CXADR: variants seen among roughly 807,000 people sequenced by gnomAD.
CXADR encodes CXADR cell adhesion molecule, also known as coxsackievirus and adenovirus receptor.
CXADR carries 20 observed loss-of-function variants against 40.3 expected under a neutral mutation model. The ratio of observed to expected loss-of-function variants is 0.50; its 90% CI spans 0.35 to 0.72. CXADR has a LOEUF of 0.72. Among genes scored for constraint, CXADR ranks in the 30% least tolerant of loss-of-function variants. The probability of loss-of-function intolerance (pLI) is 0.01; values close to 1 mark genes in which losing one functional copy is unlikely to be tolerated. For synonymous variants in CXADR, 150 were observed against 161.3 expected, an observed-to-expected ratio of 0.93 and a Z score of 0.53; for missense variants, 332 against 449.1, an observed-to-expected ratio of 0.74 and a Z score of 2.36.
intron 6 of CXADR, 83 bp from the exon 7 acceptor site, chr21:17,565,345 C>G (rs1030245611): frequency 1.4e-6 from 2 of 1,447,644 alleles, no homozygotes; most frequent in Non-Finnish European, 1.9e-6. Flanking sequence ...AATACAGGCT[C>G]TTATCCATGA....
intron 1 of CXADR, among the ~76,000 whole-genome samples, chr21:17,534,060 C>CTA (rs201049313): frequency 0.32 from 13,939 of 43,452 alleles, 3,176 homozygotes; most frequent in Non-Finnish European, 0.36. Context: ...ATATATATAG[C>CTA]TATATATATA....
intron 4 of CXADR, among the ~76,000 whole-genome samples, chr21:17,559,693 C>CT (rs2061087574): frequency 8.8e-6 from 1 of 113,334 alleles, no homozygotes; most frequent in Non-Finnish European, 1.7e-5. Context: ...TTTTTTTTTC[C>CT]GAGACAAGGG....
chr21:17,527,082 A>G (rs1168462548), intron 1 of CXADR: 1 of 152,234 alleles, frequency 6.6e-6, no homozygotes, highest in Admixed American at 6.5e-5. Flanking sequence ...GGATCTATGT[A>G]GTAGAGAATA....
chr21:17,615,293 A>C, the CXADR span, among the ~76,000 whole-genome samples: 7 of 152,064 alleles, frequency 4.6e-5, no homozygotes, highest in Non-Finnish European at 2.9e-5. Flanking sequence ...CTACCTCCAA[A>C]CTGTGAGAAA....
rs796961102 is a variant in CXADR, at chr21:17,575,657, A to AT, written c.1017+10055dup. On this transcript the variant is annotated intron_variant, in intron 7 of 7. Coordinates refer to the CXADR transcript ENST00000400169. ...AGGTGTCCACTACCAAGCCCAGCTA[A>AT]TTTTTTTTTATATTTTTAGTAGAGA... Among the ~76,000 whole-genome samples the AT allele has an allele frequency of 1.3e-4, 19 of 150,360 alleles. No individual in the cohort carries two copies. The East Asian group carries it at 1.4e-3, about 11-fold the overall frequency.
rs940801869 is a variant in CXADR, at chr21:17,519,027, C to G, written c.43+5855C>G. 7.4e-6 allele frequency: 11 copies of G among 1,479,720 alleles called. No individual in the cohort carries two copies. In the Admixed American group the frequency reaches 1.4e-4, roughly 18 times the overall value. 91.7% of individuals were successfully genotyped at this position (1,479,720 alleles called of 1,614,324 possible). Reference sequence around the variant, plus strand: ...TAAATCTGAAGCAGGGAGGGTCCTCCAGCACCAGCACGCGGCAAGAGCAAG... The same window carrying G: ...TAAATCTGAAGCAGGGAGGGTCCTCGAGCACCAGCACGCGGCAAGAGCAAG... On this transcript the variant is annotated intron_variant, in intron 1 of 6. Transcript: ENST00000284878.
rs534458511 is a variant in CXADR at position 17,546,026 on chromosome 21, A to G, written c.44-1001A>G. On this transcript the variant is annotated intron_variant, in intron 1 of 6. Coordinates refer to ENST00000284878, the MANE Select transcript of CXADR (RefSeq NM_001338.5). ...ACTCCTGACTTCAGATGATTCACCT[A>G]CCTTGGCCTCCTGAATTGCTGGGAT... Among the ~76,000 whole-genome samples the G allele has an allele frequency of 1.3e-3, 196 of 152,178 alleles. 1 individual carries two copies. Among genetic ancestry groups the G allele is most frequent in the African/African-American group, 4.6e-3 (191 of 41,528 alleles).
At chr21:17,622,376 A>G in the CXADR span, among the ~76,000 whole-genome samples, 1 of 152,154 alleles carries the variant, frequency 6.6e-6, no homozygotes, top group Non-Finnish European at 1.5e-5. Context: ...TGATGTGCTT[A>G]TAAAAGTTGC....
intron 4 of CXADR, among the ~76,000 whole-genome samples, chr21:17,560,141 C>T (rs2061095836): frequency 6.6e-6 from 1 of 152,086 alleles, no homozygotes; most frequent in Admixed American, 6.6e-5. Flanking sequence ...TAGAAAGTTA[C>T]AAATTGGCCA....
At chr21:17,557,191 A>G (rs1050654888) in intron 3 of CXADR, among the ~76,000 whole-genome samples, 1 of 152,248 alleles carries the variant, frequency 6.6e-6, no homozygotes, top group Non-Finnish European at 1.5e-5. Context: ...GATTAAAGTC[A>G]GCCACAGAGT....
At chr21:17,614,827 C>G in the CXADR span, among the ~76,000 whole-genome samples, 1 of 152,142 alleles carries the variant, frequency 6.6e-6, no homozygotes, top group Non-Finnish European at 1.5e-5. Context: ...TTTCTCTCAT[C>G]CACTTCCCTT....
At chr21:17,528,055 T>C (rs775712280) in intron 1 of CXADR, among the ~76,000 whole-genome samples, 47 of 149,072 alleles carry the variant, frequency 3.2e-4, no homozygotes, top group Non-Finnish European at 4.7e-4. Flanking sequence ...GCTCTCCTTA[T>C]GCTTAGTTCT....
chr21:17,529,777 CCA>C (rs1421509721), intron 1 of CXADR, among the ~76,000 whole-genome samples: 3 of 152,052 alleles, frequency 2.0e-5, no homozygotes, highest in African/African-American at 7.2e-5. Context: ...GCACAGACTA[CCA>C]CACAGTTTAG....
chr21:17,610,684 G>A, the CXADR span, among the ~76,000 whole-genome samples: 2 of 152,148 alleles, frequency 1.3e-5, no homozygotes, highest in Non-Finnish European at 2.9e-5. Flanking sequence ...TTATTAAGAT[G>A]CTGCCTTTAG....
intron 1 of CXADR, among the ~76,000 whole-genome samples, chr21:17,518,151 A>G (rs976502431): frequency 6.6e-6 from 1 of 152,086 alleles, no homozygotes; most frequent in Admixed American, 6.5e-5. Context: ...GATTTTTTTT[A>G]TTTCTACTGG....
the CXADR span, among the ~76,000 whole-genome samples, chr21:17,621,369 G>C: frequency 6.6e-6 from 1 of 152,178 alleles, no homozygotes; most frequent in African/African-American, 2.4e-5. Flanking sequence ...ACGGGGGAAG[G>C]AGGATTGGAT....
At chr21:17,516,018 C>T (rs1247193219) in intron 1 of CXADR, among the ~76,000 whole-genome samples, 1 of 152,166 alleles carries the variant, frequency 6.6e-6, no homozygotes, top group African/African-American at 2.4e-5. Flanking sequence ...ACTAGTGAGT[C>T]ATACTACTAG....
chr21:17,571,053 A>C (rs2123351881), downstream of CXADR, among the ~76,000 whole-genome samples: 1 of 152,336 alleles, frequency 6.6e-6, no homozygotes, highest in South Asian at 2.1e-4. Context: ...GACAATAAAA[A>C]GTATTTCCAA....
In CXADR at chr21:17,551,971, G is replaced by A; in HGVS notation, c.415+18G>A. 6.4e-7 allele frequency: 1 copy of A among 1,567,682 alleles called. No individual in the cohort carries two copies. The highest frequency in any genetic ancestry group is 1.1e-5 in the South Asian group (1 of 89,920). On this transcript the variant is annotated intron_variant, in intron 3 of 6. Transcript: ENST00000284878. ...AGTTCTTGGTAAGTTATTTTTATTT[G>A]TGTTAACGGGTTACTGAGTAAGAGA...
Sources: allele counts gnomAD v4.1 joint callset (sites outside exome capture counted in the v4.1 genomes callset), GRCh38; gene constraint gnomAD v4.1.1; transcripts MANE v1.5; gene names NCBI Gene and HGNC (gene_info 2026-07-23, HGNC 2026-07-21).